Variants in SAP30BP observed in about 807,000 individuals in gnomAD.
SAP30BP encodes SAP30 binding protein.
SAP30BP carries 31 observed loss-of-function variants against 46.3 expected under a neutral mutation model. That is an observed-to-expected ratio of 0.67 (90% CI 0.50 to 0.90). The LOEUF (loss-of-function observed/expected upper bound fraction) is 0.90, where lower values mean the gene tolerates loss of function less well. SAP30BP is among the 40% of genes least tolerant of loss of function. The pLI, the probability that SAP30BP is intolerant of heterozygous loss-of-function variation, is 0.00. For missense variants in SAP30BP, 312 were observed against 391.0 expected (o/e 0.80, Z 1.70); for synonymous variants, 169 against 144.2 (o/e 1.17, Z -1.23).
chr17:75,701,235 T>C (rs1470482124), intron 5 of SAP30BP, among the ~76,000 whole-genome samples: 1 of 152,214 alleles, frequency 6.6e-6, no homozygotes, highest in Non-Finnish European at 1.5e-5. Context: ...GCCTCAGATG[T>C]TTCCCTTCTG....
chr17:75,702,576 G>A lies in SAP30BP; in HGVS notation c.488+5G>A. ...GAAAGAATTTCGGAACCCTAGGTAAGTTTCCCTTGAGCCTGCAGAGTTTAT... is the reference window on the plus strand; with the variant it reads ...GAAAGAATTTCGGAACCCTAGGTAAATTTCCCTTGAGCCTGCAGAGTTTAT... On this transcript the variant is annotated splice_donor_5th_base_variant and intron_variant, in intron 6 of 10. Transcript: ENST00000584667. 7.1e-7 allele frequency: 1 copy of A among 1,410,052 alleles called. No homozygotes were observed. Among genetic ancestry groups the A allele is most frequent in the Non-Finnish European group, 1.0e-6 (1 of 998,142 alleles). 87.3% of individuals were successfully genotyped at this position (1,410,052 alleles called of 1,614,324 possible).
intron 3 of SAP30BP, among the ~76,000 whole-genome samples, chr17:75,674,610 T>A (rs1165618159): frequency 6.6e-6 from 1 of 152,014 alleles, no homozygotes. Context: ...TTTTTTTAAA[T>A]TGATGTGTAA....
Position 75,668,541 on chromosome 17 carries a change from T to C in SAP30BP, c.132T>C (p.Asp44=). 6.3e-7 allele frequency: 1 copy of C among 1,584,980 alleles called. No individual in the cohort carries two copies. The highest frequency in any genetic ancestry group is 1.4e-5 in the African/African-American group (1 of 73,162). ...AGGAGAAAGGCGGATTGGTATCTGA[T>C]GCCTATGGGGAGGATGACTTTTCTC... is the stretch of plus-strand genomic sequence containing the variant. ...AAEEKGGLVS[D]AYGEDDFSRL... is the part of the protein sequence containing the mutation. The change falls in exon 2 of 11, where the codon GAT becomes GAC. Residue 44 remains aspartate, a synonymous_variant. Transcript: ENST00000584667.
intron 3 of SAP30BP, among the ~76,000 whole-genome samples, chr17:75,676,280 T>C (rs1252686768): frequency 6.6e-6 from 1 of 152,240 alleles, no homozygotes; most frequent in Non-Finnish European, 1.5e-5. Context: ...CAGGCTCTGG[T>C]GATTTGAAAA....
At chr17:75,681,284 T>A (rs2060072548) in intron 3 of SAP30BP, among the ~76,000 whole-genome samples, 1 of 152,184 alleles carries the variant, frequency 6.6e-6, no homozygotes, top group Admixed American at 6.5e-5. Context: ...TAGATTGTCT[T>A]AAGAGTTCCA....
intron 4 of SAP30BP, among the ~76,000 whole-genome samples, chr17:75,697,584 T>C (rs1045517481): frequency 6.6e-6 from 1 of 152,216 alleles, no homozygotes; most frequent in Non-Finnish European, 1.5e-5. Context: ...GTCTCTGTCC[T>C]CTTGCCGTCA....
chr17:75,703,922 C>A, intron 8 of SAP30BP, 63 bp downstream of exon 8: 3 of 1,206,216 alleles, frequency 2.5e-6, no homozygotes, highest in South Asian at 2.4e-5. Context: ...TTTATCCAGT[C>A]AGTTGGTTAT....
Position 75,702,428 on chromosome 17 carries a change from A to AG in SAP30BP, c.397-48dup. On this transcript the variant is annotated intron_variant, in intron 5 of 10. Coordinates refer to ENST00000584667, the MANE Select transcript of SAP30BP (RefSeq NM_013260.8). ...TGGTGACCAGGGGCTGGGACGGTGG[A>AG]GGGGTGGGCTTCTGTCATACACCCC... 6.8e-6 allele frequency: 5 copies of AG among 738,912 alleles called. No individual in the cohort carries two copies. In the South Asian group the frequency reaches 8.3e-5, roughly 12 times the overall value. The allele number at this position is 738,912 out of a possible 1,614,324, so 45.8% of individuals were successfully genotyped here. A position where few individuals can be genotyped will look rare whatever the true frequency, so the allele number is the denominator to read the frequency against.
intron 5 of SAP30BP, 99 bp from the exon 6 acceptor site, chr17:75,702,381 A>T: frequency 3.6e-6 from 2 of 557,828 alleles, no homozygotes; most frequent in Non-Finnish European, 3.3e-6. Flanking sequence ...CTGGAGCCTC[A>T]TGTTCATGCT....
intron 9 of SAP30BP, 103 bp downstream of exon 9, chr17:75,704,917 C>CGT: frequency 1.1e-6 from 1 of 885,300 alleles, no homozygotes. Flanking sequence ...ACCCTGGCCC[C>CGT]GTGTCATCAC....
intron 4 of SAP30BP, among the ~76,000 whole-genome samples, 178 bp from the exon 5 acceptor site, chr17:75,699,605 G>C (rs375265575): frequency 6.6e-6 from 1 of 151,800 alleles, no homozygotes; most frequent in African/African-American, 2.4e-5. Context: ...CACCCCTTCC[G>C]GTCATTCAGT....
intron 3 of SAP30BP, chr17:75,691,314 G>A: frequency 2.5e-6 from 1 of 408,066 alleles, no homozygotes; most frequent in Non-Finnish European, 4.8e-6. Context: ...GGGAACTGAA[G>A]AGCCAACCTA....
In SAP30BP at chr17:75,706,126, C is replaced by A. The variant is rs1278535415; in HGVS notation, c.745+34C>A. ...CAGAGCTGCCCTGCCTCCTGCCACA[C>A]ACATGGAGCCAGGGTCTCCCTGGCT... On this transcript the variant is annotated intron_variant, in intron 10 of 10. Transcript: ENST00000584667. The surrounding 1 kb of genome is among the most constrained non-coding windows in gnomAD (Gnocchi z 4.6). 6.3e-7 allele frequency: 1 copy of A among 1,595,840 alleles called. No individual in the cohort carries two copies. Among genetic ancestry groups the A allele is most frequent in the Non-Finnish European group, 8.5e-7 (1 of 1,171,616 alleles).
At position 75,702,472 on chromosome 17, in the gene SAP30BP, C is replaced by T; in HGVS notation, c.397-8C>T. The stretch of plus-strand genomic sequence containing the variant: ...ACACCCCCCCACCCCCTCTGCTCCT[C>T]TTCACAGGACAAGATCCAGAAGCTT... On this transcript the variant is annotated splice_polypyrimidine_tract_variant and splice_region_variant and intron_variant, in intron 5 of 10. Coordinates refer to ENST00000584667, the MANE Select transcript of SAP30BP (RefSeq NM_013260.8). 7.0e-7 allele frequency: 1 copy of T among 1,437,192 alleles called. No individual in the cohort carries two copies. The highest frequency in any genetic ancestry group is 9.8e-7 in the Non-Finnish European group (1 of 1,024,358). 89.0% of individuals were successfully genotyped at this position (1,437,192 alleles called of 1,614,324 possible).
At chr17:75,697,953 T>G (rs1468474972) in intron 4 of SAP30BP, among the ~76,000 whole-genome samples, 1 of 152,190 alleles carries the variant, frequency 6.6e-6, no homozygotes, top group Non-Finnish European at 1.5e-5. Flanking sequence ...CTGCACACAG[T>G]AGGTGCTCAG....
chr17:75,680,806 A>G (rs1025168723), intron 3 of SAP30BP, among the ~76,000 whole-genome samples: 2 of 152,240 alleles, frequency 1.3e-5, no homozygotes, highest in Non-Finnish European at 2.9e-5. Flanking sequence ...TGCCCGAGGC[A>G]GGAGAATTGC....
At chr17:75,695,491 C>T (rs142045283) in intron 4 of SAP30BP, among the ~76,000 whole-genome samples, 1 of 152,304 alleles carries the variant, frequency 6.6e-6, no homozygotes, top group African/African-American at 2.4e-5. Context: ...TAGGGATACA[C>T]CACAGTTTGT....
intron 3 of SAP30BP, chr17:75,691,298 T>G (rs2060238380): frequency 2.6e-6 from 1 of 390,946 alleles, no homozygotes; most frequent in Non-Finnish European, 5.0e-6. Flanking sequence ...GAAGGAATAA[T>G]TTAGGGGGAA....
At chr17:75,679,705 T>A (rs1394334386) in intron 3 of SAP30BP, 16 of 152,148 alleles carry the variant, frequency 1.1e-4, no homozygotes, top group Admixed American at 1.0e-3. Flanking sequence ...AAACAAGCTT[T>A]GTTTCCTGTG....
Sources: allele counts gnomAD v4.1 joint callset (sites outside exome capture counted in the v4.1 genomes callset), GRCh38; gene constraint gnomAD v4.1.1; non-coding constraint Gnocchi (gnomAD v3.1); transcripts MANE v1.5; gene names NCBI Gene and HGNC (gene_info 2026-07-23, HGNC 2026-07-21).